The following MIA variants were observed in gnomAD, a reference collection of about 807,000 sequenced individuals.
MIA encodes the protein MIA SH3 domain containing, also known as melanoma-derived growth regulatory protein.
Under a neutral mutation model 18.5 loss-of-function variants are expected in MIA, and 18 were observed. That is an observed-to-expected ratio of 0.97 (90% CI 0.67 to 1.44). The LOEUF is 1.44. Among genes scored for constraint, MIA ranks in the 40% most tolerant of loss-of-function variants. The pLI, the probability that MIA is intolerant of heterozygous loss-of-function variation, is 0.00. For missense variants in MIA, 158 were observed against 172.4 expected (o/e 0.92, Z 0.47); for synonymous variants, 55 against 64.9 (o/e 0.85, Z 0.74).
intron 2 of MIA, 179 bp from the exon 3 acceptor site, chr19:40,776,790 A>T: frequency 1.8e-6 from 1 of 551,394 alleles, no homozygotes; most frequent in Non-Finnish European, 3.2e-6. Context: ...GTGAGAATTA[A>T]CAGAGACTTA....
chr19:40,776,493 C>G (rs2082997614), intron 2 of MIA, among the ~76,000 whole-genome samples: 1 of 151,970 alleles, frequency 6.6e-6, no homozygotes, highest in African/African-American at 2.4e-5. Context: ...CACCTGTAAT[C>G]CCAAGTAAGG....
chr19:40,775,381 TG>T, upstream of MIA: 1 of 1,104,234 alleles, frequency 9.1e-7, no homozygotes, highest in Non-Finnish European at 1.3e-6. Flanking sequence ...GAAATGGTTC[TG>T]GTTTCATAGC....
rs528544493 is a variant in MIA at position 40,777,452 on chromosome 19, C to T, written c.*32C>T. On this transcript the variant is annotated 3_prime_UTR_variant, in exon 4 of 4. Transcript: ENST00000263369. The stretch of plus-strand genomic sequence containing the variant: ...CCTACCGCTGGCCCTGCCGTTTCCC[C>T]TCCTTGGCTTTATGCAAATACAATC... 6 of 1,609,294 alleles carry T rather than the reference C, an allele frequency of 3.7e-6. No homozygotes were observed. Among genetic ancestry groups the T allele is most frequent in the Non-Finnish European group, 5.1e-6 (6 of 1,175,972 alleles).
At chr19:40,775,359 T>C (rs1433933722), upstream of MIA, 6 of 938,104 alleles carry the variant, frequency 6.4e-6, no homozygotes, top group Non-Finnish European at 8.0e-6. Context: ...TTACAGCCTT[T>C]ACCCTATCCT....
At position 40,777,041 on chromosome 19, in the gene MIA, C is replaced by T; in HGVS notation, c.334C>T (p.Gln112Ter). 1 of 1,613,398 alleles carries T rather than the reference C, an allele frequency of 6.2e-7. No homozygotes were observed. Among genetic ancestry groups the T allele is most frequent in the Non-Finnish European group, 8.5e-7 (1 of 1,179,914 alleles). ...CCCCAGTAGCATTGTCCGAGAGGAC[C>T]AGACCCTGAAACCTGGCAAAGTCGA... Reference protein sequence around the residue: ...YFPSSIVREDQTLKPGKVDVK... With the variant: ...YFPSSIVRED Residue 112 changes from glutamine (Q) to a stop codon, truncating the protein, a stop_gained, in exon 3 of 4, where the codon CAG becomes TAG. Transcript: ENST00000263369. LOFTEE classifies it high-confidence loss of function.
rs1465940388 is a variant in MIA at position 40,775,568 on chromosome 19, G to T, written c.26G>T (p.Gly9Val). 4.3e-6 allele frequency: 7 copies of T among 1,614,042 alleles called. No individual in the cohort carries two copies. Among genetic ancestry groups the T allele is most frequent in the Non-Finnish European group, 5.9e-6 (7 of 1,180,044 alleles). The change falls in exon 1 of 4, where the codon GGT (glycine) becomes GTT (valine). Residue 9 changes from glycine (G) to valine (V), a missense_variant. Gly to Val is a moderately radical substitution (Grantham distance 109, BLOSUM62 -3). Transcript: ENST00000263369. ...ATGGCCCGGTCCCTGGTGTGCCTTG[G>T]TGTCATCATCTTGCTGTCTGCCTTC... The part of the protein sequence containing the change: MARSLVCL[G>V]VIILLSAFSG...
Position 40,775,582 on chromosome 19 carries a change from C to T in MIA, c.40C>T (p.Leu14=), listed in dbSNP as rs761080347. 2 of 1,614,198 alleles carry T rather than the reference C, an allele frequency of 1.2e-6. No individual in the cohort carries two copies. The highest frequency in any genetic ancestry group is 4.5e-5 in the East Asian group (2 of 44,886). The part of the protein sequence containing the change: ...SLVCLGVIIL[L]SAFSGPGVRG... ...GGTGTGCCTTGGTGTCATCATCTTG[C>T]TGTCTGCCTTCTCCGGACCTGGTGT... The change falls in exon 1 of 4, where the codon CTG becomes TTG. Residue 14 remains leucine (L), a synonymous_variant. Coordinates refer to ENST00000263369, the MANE Select transcript of MIA (RefSeq NM_006533.4).
chr19:40,777,460 C>G lies in MIA; in HGVS notation c.*40C>G, dbSNP rs2233159. ...TGGCCCTGCCGTTTCCCCTCCTTGG[C>G]TTTATGCAAATACAATCAGCCCAGT... On this transcript the variant is annotated 3_prime_UTR_variant, in exon 4 of 4. Transcript: ENST00000263369. The G allele has an allele frequency of 0.92, 1,469,943 of 1,602,750 alleles. 674,981 individuals are homozygous for G. The highest frequency in any genetic ancestry group is 0.95 in the Admixed American group (57,027 of 59,856).
At chr19:40,776,457 T>C (rs2082997296) in intron 2 of MIA, among the ~76,000 whole-genome samples, 1 of 151,892 alleles carries the variant, frequency 6.6e-6, no homozygotes, top group South Asian at 2.1e-4. Context: ...GCATAAAAAA[T>C]AGCAGCAGCC....
intron 3 of MIA, 71 bp from the exon 4 acceptor site, chr19:40,777,326 C>G: frequency 6.3e-7 from 1 of 1,574,908 alleles, no homozygotes; most frequent in Non-Finnish European, 8.7e-7. Flanking sequence ...GCAGCCTTTG[C>G]TAAAACCACT....
intron 2 of MIA, chr19:40,776,768 A>T: frequency 2.0e-6 from 1 of 490,728 alleles, no homozygotes; most frequent in Non-Finnish European, 3.6e-6. Flanking sequence ...ATAAAAGCAA[A>T]TATGCGCTGC....
At chr19:40,775,388 A>C (rs2082988072), upstream of MIA, 2 of 1,170,990 alleles carry the variant, frequency 1.7e-6, no homozygotes, top group Non-Finnish European at 2.4e-6. Flanking sequence ...TTCTGGTTTC[A>C]TAGCAACTTC....
chr19:40,777,283 G>A (rs2083004706), intron 3 of MIA, 114 bp from the exon 4 acceptor site: 1 of 1,297,552 alleles, frequency 7.7e-7, no homozygotes. Flanking sequence ...AATTTGCATA[G>A]CACTTGTGTG....
At chr19:40,775,259 C>CTTA (rs973594250), upstream of MIA, 3 of 409,914 alleles carry the variant, frequency 7.3e-6, no homozygotes, top group African/African-American at 6.0e-5. Context: ...TTTCAACCAC[C>CTTA]TTATCTAGGC....
At chr19:40,775,408 T>C (rs1338525597), upstream of MIA, 1 of 1,354,622 alleles carries the variant, frequency 7.4e-7, no homozygotes, top group African/African-American at 1.4e-5. Flanking sequence ...CTAGGTGGTG[T>C]GGGCGAAGTT....
At position 40,777,027 on chromosome 19, in the gene MIA, T is replaced by C; in HGVS notation, c.320T>C (p.Ile107Thr). The C allele has an allele frequency of 6.2e-7, 1 of 1,613,776 alleles. No individual in the cohort carries two copies. The highest frequency in any genetic ancestry group is 8.5e-7 in the Non-Finnish European group (1 of 1,179,982). ...AARLGYFPSS[I>T]VREDQTLKPG... ...CGCCTGGGCTATTTCCCCAGTAGCA[T>C]TGTCCGAGAGGACCAGACCCTGAAA... The change falls in exon 3 of 4, where the codon ATT becomes ACT. Residue 107 changes from isoleucine (I) to threonine (T), a missense_variant. Coordinates refer to ENST00000263369, the MANE Select transcript of MIA (RefSeq NM_006533.4).
Position 40,775,613 on chromosome 19 carries a change from G to T in MIA, c.71G>T (p.Gly24Val). 6.2e-7 allele frequency: 1 copy of T among 1,614,180 alleles called. No individual in the cohort carries two copies. Among genetic ancestry groups the T allele is most frequent in the South Asian group, 1.1e-5 (1 of 91,086 alleles). ...GCCTTCTCCGGACCTGGTGTCAGGG[G>T]TGGTCCTATGCCCAAGCTGGCTGAC... is the stretch of plus-strand genomic sequence containing the variant. ...LSAFSGPGVR[G>V]GPMPKLADRK... The change falls in exon 1 of 4, where the codon GGT becomes GTT. Residue 24 changes from glycine to valine, a missense_variant. Coordinates refer to ENST00000263369, the MANE Select transcript of MIA (RefSeq NM_006533.4).
rs548386580 is a variant in MIA, at chr19:40,776,744, AAAT to A, written c.262-210_262-208del. ...GCGACACAATGAGACCCTGTTTCCAAAATAATAATAATAATAAAAGCAAATATG... is the reference window on the plus strand; with the variant it reads ...GCGACACAATGAGACCCTGTTTCCAAAATAATAATAATAAAAGCAAATATG... On this transcript the variant is annotated intron_variant, in intron 2 of 3. Coordinates refer to ENST00000263369, the MANE Select transcript of MIA (RefSeq NM_006533.4). The A allele has an allele frequency of 2.7e-3, 1,128 of 416,362 alleles. 9 individuals are homozygous for A. The highest frequency in any genetic ancestry group is 0.016 in the African/African-American group (774 of 48,500). The allele number at this position is 416,362 out of a possible 1,614,324, so 25.8% of individuals were successfully genotyped here.
In MIA at chr19:40,775,873, C is replaced by T. The variant is rs1197276116; in HGVS notation, c.249C>T (p.Phe83=). The change falls in exon 2 of 4, where the codon TTC becomes TTT. Residue 83 remains phenylalanine (F), a synonymous_variant. Transcript: ENST00000263369. Reference sequence around the variant, plus strand: ...AGCTGAAGGGCCGTGGGCGGCTCTTCTGGGGAGGCAGCGTGAGTCTTGGGA... The same window carrying T: ...AGCTGAAGGGCCGTGGGCGGCTCTTTTGGGGAGGCAGCGTGAGTCTTGGGA... ...FSKLKGRGRL[F]WGGSVQGDYY... The T allele has an allele frequency of 1.9e-6, 3 of 1,613,768 alleles. No individual in the cohort carries two copies. Among genetic ancestry groups the T allele is most frequent in the Non-Finnish European group, 2.5e-6 (3 of 1,179,998 alleles).
Sources: gnomAD v4.1 joint callset for allele counts (sites outside exome capture counted in the v4.1 genomes callset) on GRCh38, gnomAD v4.1.1 for gene constraint, MANE v1.5 for transcripts, NCBI Gene and HGNC (gene_info 2026-07-23, HGNC 2026-07-21) for gene names.